Variants in SEMA5B observed in about 807,000 individuals in gnomAD.
SEMA5B encodes semaphorin-5B.
In SEMA5B, 66 loss-of-function variants were observed where a neutral mutation model predicts 135.0. That is an observed-to-expected ratio of 0.49 (90% CI 0.40 to 0.60). The LOEUF (loss-of-function observed/expected upper bound fraction) is 0.60, where lower values mean the gene tolerates loss of function less well. Among genes scored for constraint, SEMA5B ranks in the 20% least tolerant of loss-of-function variants. SEMA5B has a pLI of 0.00. For missense variants in SEMA5B, 1,501 were observed against 1,566.3 expected, an observed-to-expected ratio of 0.96 and a Z score of 0.70; for synonymous variants, 690 against 639.5, an observed-to-expected ratio of 1.08 and a Z score of -1.19.
In SEMA5B at chr3:122,960,903, C is replaced by A. The variant is rs181814657; in HGVS notation, c.124+237G>T. On this transcript the variant is annotated intron_variant, in intron 2 of 22. Transcript: ENST00000357599. Reference sequence around the variant, plus strand: ...TGGAGATGGAGGGTGGTGATGGCTGCATAACAATGTGAGTGTACCTGATAC... The same window carrying A: ...TGGAGATGGAGGGTGGTGATGGCTGAATAACAATGTGAGTGTACCTGATAC... Among the ~76,000 whole-genome samples the A allele has an allele frequency of 5.3e-5, 8 of 152,244 alleles. No individual in the cohort carries two copies. The East Asian group carries it at 1.5e-3, about 29-fold the overall frequency.
intron 1 of SEMA5B, among the ~76,000 whole-genome samples, chr3:123,006,886 G>T (rs1942328202): frequency 6.6e-6 from 1 of 152,078 alleles, no homozygotes; most frequent in Non-Finnish European, 1.5e-5. Context: ...CAGCTGCTTT[G>T]CACCACAAAC....
intron 1 of SEMA5B, among the ~76,000 whole-genome samples, chr3:122,962,052 T>C (rs190147009): frequency 7.9e-5 from 12 of 152,314 alleles, no homozygotes; most frequent in Non-Finnish European, 1.3e-4. Context: ...TGTGATTACA[T>C]TGGGCCCATC....
intron 2 of SEMA5B, among the ~76,000 whole-genome samples, chr3:122,951,427 T>G (rs1228557718): frequency 6.6e-6 from 1 of 152,216 alleles, no homozygotes; most frequent in African/African-American, 2.4e-5. Context: ...ACATATTGGC[T>G]ACTCAATAAA....
intron 18 of SEMA5B, among the ~76,000 whole-genome samples, 153 bp downstream of exon 18, chr3:122,912,690 G>A (rs1239353347): frequency 6.6e-6 from 1 of 152,156 alleles, no homozygotes; most frequent in African/African-American, 2.4e-5. Context: ...TACGGCCGGG[G>A]CAGAAATTTG....
intron 22 of SEMA5B, 73 bp from the exon 23 acceptor site, chr3:122,910,374 A>T (rs1187117271): frequency 3.3e-6 from 5 of 1,516,160 alleles, no homozygotes; most frequent in Non-Finnish European, 4.5e-6. Flanking sequence ...CAGAGCAAGG[A>T]GTCCAGAAGC....
chr3:122,950,595 T>C (rs1172359404), intron 2 of SEMA5B, among the ~76,000 whole-genome samples: 1 of 152,242 alleles, frequency 6.6e-6, no homozygotes, highest in Non-Finnish European at 1.5e-5. Flanking sequence ...TAACAAAATA[T>C]TCAGGTTTGT....
chr3:122,993,549 G>C (rs1478664951), intron 1 of SEMA5B, among the ~76,000 whole-genome samples: 4 of 152,078 alleles, frequency 2.6e-5, no homozygotes, highest in Non-Finnish European at 4.4e-5. Flanking sequence ...GAGTGTGTGA[G>C]AGACTGTATG....
chr3:122,955,665 G>C (rs1940260974), intron 2 of SEMA5B, among the ~76,000 whole-genome samples: 1 of 152,214 alleles, frequency 6.6e-6, no homozygotes. Flanking sequence ...TTGGGAGGCT[G>C]CTCTACCTGG....
intron 1 of SEMA5B, among the ~76,000 whole-genome samples, chr3:123,007,554 T>A (rs1186919296): frequency 6.6e-6 from 1 of 152,198 alleles, no homozygotes; most frequent in Non-Finnish European, 1.5e-5. Context: ...AGCTCTGTCC[T>A]TATGAATGGA....
chr3:122,956,540 C>T (rs1041725647), intron 2 of SEMA5B, among the ~76,000 whole-genome samples: 1 of 152,186 alleles, frequency 6.6e-6, no homozygotes, highest in East Asian at 1.9e-4. Context: ...AGCTACACAG[C>T]GACCGGTGCC....
rs1318802931 is a variant in SEMA5B at position 122,934,153 on chromosome 3, C to T, written c.475-5095G>A. On this transcript the variant is annotated intron_variant, in intron 5 of 22. Transcript: ENST00000357599. ...AACTCCTGGTCTCAGGTGATCCACC[C>T]GCCTCGGCCTCCCAAAGTGCTGGGA... Among the ~76,000 whole-genome samples, 12 of 151,116 alleles carry T rather than the reference C, an allele frequency of 7.9e-5. No homozygotes were observed. In the East Asian group the frequency reaches 9.7e-4, roughly 12 times the overall value.
At chr3:122,984,081 TACA>T in intron 1 of SEMA5B, among the ~76,000 whole-genome samples, 1 of 152,378 alleles carries the variant, frequency 6.6e-6, no homozygotes, top group Admixed American at 6.5e-5. Flanking sequence ...TTTGCCTTCC[TACA>T]ACGTTTTGCT....
At chr3:123,013,495 T>G (rs941309540) in intron 1 of SEMA5B, among the ~76,000 whole-genome samples, 2 of 152,214 alleles carry the variant, frequency 1.3e-5, no homozygotes, top group Non-Finnish European at 2.9e-5. Flanking sequence ...GAAGTAGGTA[T>G]GATGGCCATT....
intron 12 of SEMA5B, among the ~76,000 whole-genome samples, chr3:122,919,544 C>T (rs965904266): frequency 1.3e-5 from 2 of 152,122 alleles, no homozygotes; most frequent in Non-Finnish European, 2.9e-5. Flanking sequence ...ATCTTCCTGC[C>T]AGTTTTGGAA....
intron 4 of SEMA5B, among the ~76,000 whole-genome samples, 183 bp from the exon 5 acceptor site, chr3:122,939,653 C>G (rs551842824): frequency 6.6e-6 from 1 of 152,144 alleles, no homozygotes; most frequent in Non-Finnish European, 1.5e-5. Flanking sequence ...GGGAGGAAAT[C>G]CAGGAAGCTC....
At chr3:122,982,105 A>G (rs777689294) in intron 1 of SEMA5B, among the ~76,000 whole-genome samples, 1 of 152,228 alleles carries the variant, frequency 6.6e-6, no homozygotes, top group African/African-American at 2.4e-5. Flanking sequence ...CCTTTTAGCC[A>G]CAGGTAGGAC....
chr3:123,010,269 AG>A (rs1268042287), intron 1 of SEMA5B, among the ~76,000 whole-genome samples: 5 of 152,322 alleles, frequency 3.3e-5, no homozygotes, highest in African/African-American at 9.6e-5. Flanking sequence ...TTGGAAGACA[AG>A]GGTTTAAAAT....
intron 9 of SEMA5B, among the ~76,000 whole-genome samples, chr3:122,925,699 A>G (rs78076681): frequency 0.057 from 8,674 of 152,008 alleles, 278 homozygotes; most frequent in Middle Eastern, 0.11. Context: ...AAAAAAAGAA[A>G]AAGAAAAAAA....
At chr3:122,971,935 G>A (rs928863596) in intron 1 of SEMA5B, among the ~76,000 whole-genome samples, 15 of 152,320 alleles carry the variant, frequency 9.8e-5, no homozygotes, top group Admixed American at 9.8e-4. Context: ...AACAACAACA[G>A]CAATCATAAC....
Sources: gnomAD v4.1 joint callset for allele counts (sites outside exome capture counted in the v4.1 genomes callset) on GRCh38, gnomAD v4.1.1 for gene constraint, MANE v1.5 for transcripts, NCBI Gene and HGNC (gene_info 2026-07-23, HGNC 2026-07-21) for gene names.